The following AGBL4 variants were observed in gnomAD, a reference collection of about 807,000 sequenced individuals.
AGBL4 encodes the protein AGBL carboxypeptidase 4, also known as cytosolic carboxypeptidase 6.
A neutral mutation model predicts 66.4 loss-of-function variants in AGBL4; 58 were observed. That is an observed-to-expected ratio of 0.87 (90% CI 0.71 to 1.09). The LOEUF (loss-of-function observed/expected upper bound fraction) is 1.09. AGBL4 is among the 50% of genes least tolerant of loss of function. The pLI, the probability that AGBL4 is intolerant of heterozygous loss-of-function variation, is 0.00. For missense variants in AGBL4, 579 were observed against 631.0 expected, an observed-to-expected ratio of 0.92 and a Z score of 0.88; for synonymous variants, 234 against 222.9, an observed-to-expected ratio of 1.05 and a Z score of -0.44.
In AGBL4 at chr1:49,579,010, C is replaced by A. The variant is rs377420422; in HGVS notation, c.282+118303G>T. Among the ~76,000 whole-genome samples, 289 of 152,206 alleles carry A rather than the reference C, an allele frequency of 1.9e-3. 2 individuals carry two copies. The highest frequency in any genetic ancestry group is 1.0e-2 in the South Asian group (48 of 4,810). On this transcript the variant is annotated intron_variant, in intron 3 of 13. Coordinates refer to ENST00000371839, the MANE Select transcript of AGBL4 (RefSeq NM_032785.4). The stretch of plus-strand genomic sequence containing the variant: ...AATCAGCTGCCAGCAAATATAAAGC[C>A]GGCAGAAAAATGTGAAAAGGAGAGA...
intron 6 of AGBL4, among the ~76,000 whole-genome samples, chr1:48,742,049 G>A (rs535833545): frequency 1.3e-5 from 2 of 152,280 alleles, no homozygotes; most frequent in African/African-American, 4.8e-5. Context: ...TATAAATAAC[G>A]CTGAGTAGTT....
At chr1:49,652,921 G>A (rs1170380968) in intron 3 of AGBL4, among the ~76,000 whole-genome samples, 1 of 152,088 alleles carries the variant, frequency 6.6e-6, no homozygotes, top group Non-Finnish European at 1.5e-5. Context: ...AGGGTAGCCC[G>A]AGGATTCTGC....
chr1:49,366,457 A>G (rs1263733734), intron 3 of AGBL4, among the ~76,000 whole-genome samples: 1 of 152,230 alleles, frequency 6.6e-6, no homozygotes, highest in Non-Finnish European at 1.5e-5. Flanking sequence ...TTTTTCCACC[A>G]TGAGAGAGTC....
chr1:48,873,206 CTT>C (rs1245474950), intron 5 of AGBL4, among the ~76,000 whole-genome samples: 2 of 152,184 alleles, frequency 1.3e-5, no homozygotes, highest in African/African-American at 4.8e-5. Flanking sequence ...CCTTCCATCT[CTT>C]GTCCTCTCAG....
At chr1:49,870,478 G>C (rs1646811366) in intron 1 of AGBL4, among the ~76,000 whole-genome samples, 1 of 150,976 alleles carries the variant, frequency 6.6e-6, no homozygotes, top group Non-Finnish European at 1.5e-5. Flanking sequence ...AATGGATTGA[G>C]GCGATGAGTG....
intron 5 of AGBL4, among the ~76,000 whole-genome samples, chr1:48,871,210 T>C (rs955583481): frequency 8.6e-5 from 13 of 152,038 alleles, no homozygotes; most frequent in African/African-American, 3.1e-4. Context: ...GCCTTTAATA[T>C]GGATGGTAGG....
intron 4 of AGBL4, among the ~76,000 whole-genome samples, chr1:49,074,967 A>T (rs890415100): frequency 8.5e-5 from 13 of 152,222 alleles, no homozygotes; most frequent in Non-Finnish European, 1.9e-4. Flanking sequence ...TATTAGGCCA[A>T]TATATCCACT....
intron 5 of AGBL4, among the ~76,000 whole-genome samples, chr1:48,925,640 G>A (rs1485744589): frequency 1.3e-5 from 2 of 152,044 alleles, no homozygotes; most frequent in African/African-American, 4.8e-5. Flanking sequence ...CTGGACTAGA[G>A]AATAATGACA....
chr1:49,715,922 G>C (rs563225044), intron 2 of AGBL4, among the ~76,000 whole-genome samples: 180 of 152,236 alleles, frequency 1.2e-3, no homozygotes, highest in Non-Finnish European at 2.1e-3. Flanking sequence ...TCTGATGATA[G>C]TTGATTTTGC....
chr1:48,927,649 T>C (rs192846833), intron 5 of AGBL4, among the ~76,000 whole-genome samples: 43 of 152,272 alleles, frequency 2.8e-4, no homozygotes, highest in African/African-American at 8.9e-4. Flanking sequence ...TGGATAACAC[T>C]CTTGCTAAGC....
chr1:48,634,399 A>C (rs1645635805), intron 9 of AGBL4, 94 bp downstream of exon 9: 1 of 1,039,188 alleles, frequency 9.6e-7, no homozygotes, highest in East Asian at 2.7e-5. Context: ...TGTATTCCTA[A>C]TTTGCAGCTT....
chr1:49,932,397 T>A (rs1482792064), intron 1 of AGBL4, among the ~76,000 whole-genome samples: 1 of 152,068 alleles, frequency 6.6e-6, no homozygotes, highest in African/African-American at 2.4e-5. Context: ...ATGAAAACTA[T>A]AAAATTCCTA....
intron 5 of AGBL4, among the ~76,000 whole-genome samples, chr1:48,933,101 G>C (rs1351478386): frequency 6.6e-6 from 1 of 151,966 alleles, no homozygotes; most frequent in East Asian, 1.9e-4. Context: ...CCATCCCTGA[G>C]ACTCAGTTCT....
chr1:49,657,921 C>T (rs1378335318), intron 3 of AGBL4, among the ~76,000 whole-genome samples: 2 of 152,138 alleles, frequency 1.3e-5, no homozygotes, highest in Admixed American at 6.5e-5. Flanking sequence ...AAAACCTAGG[C>T]AATCCCATTC....
At chr1:49,510,141 A>T (rs1010580449) in intron 3 of AGBL4, among the ~76,000 whole-genome samples, 9 of 152,042 alleles carry the variant, frequency 5.9e-5, no homozygotes, top group African/African-American at 1.9e-4. Flanking sequence ...CCATAATGAT[A>T]AATAGAAATT....
intron 5 of AGBL4, among the ~76,000 whole-genome samples, chr1:49,004,118 T>C (rs910477914): frequency 6.6e-6 from 1 of 152,172 alleles, no homozygotes; most frequent in African/African-American, 2.4e-5. Flanking sequence ...TGAGCCTCCC[T>C]CTCTTACTCC....
chr1:49,454,828 T>C (rs1168409108), intron 3 of AGBL4, among the ~76,000 whole-genome samples: 8 of 151,686 alleles, frequency 5.3e-5, no homozygotes, highest in South Asian at 4.1e-4. Flanking sequence ...TCTATATACA[T>C]GATGTTACTA....
At chr1:49,594,193 T>C (rs1326747431) in intron 3 of AGBL4, among the ~76,000 whole-genome samples, 1 of 152,190 alleles carries the variant, frequency 6.6e-6, no homozygotes, top group Non-Finnish European at 1.5e-5. Flanking sequence ...AAACCTGTGT[T>C]GTTCAAGGTT....
At chr1:48,792,338 T>C (rs1189581631) in intron 6 of AGBL4, among the ~76,000 whole-genome samples, 2 of 152,126 alleles carry the variant, frequency 1.3e-5, no homozygotes, top group African/African-American at 2.4e-5. Context: ...TTTGGACTTG[T>C]ATCAACAACA....
Sources: gnomAD v4.1 joint callset for allele counts (sites outside exome capture counted in the v4.1 genomes callset) on GRCh38, gnomAD v4.1.1 for gene constraint, MANE v1.5 for transcripts, NCBI Gene and HGNC (gene_info 2026-07-23, HGNC 2026-07-21) for gene names.